RBPJ: variants seen among roughly 807,000 people sequenced by gnomAD.
RBPJ encodes the protein recombination signal binding protein for immunoglobulin kappa J region, also known as recombining binding protein suppressor of hairless.
A neutral mutation model predicts 67.8 loss-of-function variants in RBPJ; 9 were observed. The observed-to-expected ratio is 0.13, with a 90% CI of 0.08 to 0.23. The LOEUF is 0.23. RBPJ is among the 10% of genes least tolerant of loss of function. The probability of loss-of-function intolerance (pLI) is 1.00; values close to 1 mark genes in which losing one functional copy is unlikely to be tolerated. For synonymous variants in RBPJ, 198 were observed against 203.3 expected (o/e 0.97, Z 0.22); for missense variants, 305 against 595.6 (o/e 0.51, Z 5.08).
rs897964346 is a variant in RBPJ, at chr4:26,431,184, T to TAAAAAAAAAAAA, written c.*193_*204dup. 21 of 40,644 alleles carry TAAAAAAAAAAAA rather than the reference T, an allele frequency of 5.2e-4. No individual in the cohort carries two copies. The highest frequency in any genetic ancestry group is 8.5e-4 in the Admixed American group (2 of 2,364). 2.5% of individuals were successfully genotyped at this position (40,644 alleles called of 1,614,324 possible). On this transcript the variant is annotated 3_prime_UTR_variant, in exon 11 of 11. Coordinates refer to ENST00000355476, the MANE Select transcript of RBPJ (RefSeq NM_015874.6). ...CTGATTTGAAATGCAGAAGCCACAGTAAAAAAAAAAAAAAAAAAAAAAAAA... is the reference window on the plus strand; with the variant it reads ...CTGATTTGAAATGCAGAAGCCACAGTAAAAAAAAAAAAAAAAAAAAAAAAAAAAAAAAAAAAA...
At position 26,415,647 on chromosome 4, in the gene RBPJ, C is replaced by T. The variant is rs771706713; in HGVS notation, c.321+7C>T. ...GCTAAACTTGGAAGGAAAGGTAAAT[C>T]AAGACTGCTAGTTCACCAGAAAGGG... is the stretch of plus-strand genomic sequence containing the variant. On this transcript the variant is annotated splice_region_variant and intron_variant, in intron 4 of 10. Coordinates refer to ENST00000355476, the MANE Select transcript of RBPJ (RefSeq NM_015874.6). The T allele has an allele frequency of 2.5e-6, 4 of 1,600,874 alleles. No individual in the cohort carries two copies. The highest frequency in any genetic ancestry group is 3.4e-6 in the Non-Finnish European group (4 of 1,174,986).
chr4:26,158,896 C>T (rs990692558), upstream of RBPJ, among the ~76,000 whole-genome samples: 3 of 149,978 alleles, frequency 2.0e-5, no homozygotes, highest in African/African-American at 7.4e-5. Context: ...CAAAAGGGAG[C>T]TAATAATTTT....
intron 2 of RBPJ, among the ~76,000 whole-genome samples, chr4:26,403,760 C>T (rs1362424220): frequency 6.6e-6 from 1 of 151,700 alleles, no homozygotes; most frequent in Non-Finnish European, 1.5e-5. Flanking sequence ...GTGTATGTAC[C>T]ACACTTTCTT....
intron 1 of RBPJ, among the ~76,000 whole-genome samples, chr4:26,184,190 A>C (rs962474553): frequency 4.3e-5 from 6 of 140,454 alleles, no homozygotes; most frequent in African/African-American, 1.8e-4. Flanking sequence ...TCAAAAAAAA[A>C]AAAAAAGAAA....
chr4:26,202,480 T>C (rs962294038), intron 1 of RBPJ, among the ~76,000 whole-genome samples: 4 of 151,176 alleles, frequency 2.6e-5, no homozygotes, highest in Non-Finnish European at 5.9e-5. Flanking sequence ...CTCTTTCCTA[T>C]CTCAATAAAT....
At chr4:26,175,520 T>C (rs1316966035) in intron 1 of RBPJ, among the ~76,000 whole-genome samples, 1 of 152,178 alleles carries the variant, frequency 6.6e-6, no homozygotes, top group Admixed American at 6.5e-5. Context: ...GGGCACCCAG[T>C]TACGTTTACC....
intron 1 of RBPJ, among the ~76,000 whole-genome samples, chr4:26,272,169 G>C (rs1389472939): frequency 6.6e-6 from 1 of 152,092 alleles, no homozygotes; most frequent in Non-Finnish European, 1.5e-5. Context: ...AGAAGTCAAA[G>C]GTCTAGATAA....
intron 3 of RBPJ, among the ~76,000 whole-genome samples, chr4:26,408,706 C>CGAATCTGAAAATCAGAGACTTTAA (rs1733724626): frequency 6.6e-6 from 1 of 152,140 alleles, no homozygotes; most frequent in Admixed American, 6.5e-5. Flanking sequence ...CTGTGGGCAA[C>CGAATCTGAAAATCAGAGACTTTAA]GAATCTGAAA....
rs1328517047 is a variant in RBPJ, at chr4:26,210,669, TCTTTCTTTCTTTCTTTC to T, written c.-167+47073_-167+47089del. Among the ~76,000 whole-genome samples, 24 of 23,142 alleles carry T rather than the reference TCTTTCTTTCTTTCTTTC, an allele frequency of 1.0e-3. 1 individual carries two copies. Among genetic ancestry groups the T allele is most frequent in the South Asian group, 4.6e-3 (4 of 878 alleles). 15.2% of individuals were successfully genotyped at this position (23,142 alleles called of 152,430 possible). A position where few individuals can be genotyped will look rare whatever the true frequency, so the allele number is the denominator to read the frequency against. On this transcript the variant is annotated intron_variant, in intron 1 of 4. Coordinates refer to the RBPJ transcript ENST00000512351. ...AAGCCAGCTTTCTTTCTTTTTTCTT[TCTTTCTTTCTTTCTTTC>T]CTTTCTTTCTTTCTTTCTTTCCTTC...
the RBPJ span, among the ~76,000 whole-genome samples, chr4:26,146,945 T>C: frequency 6.6e-6 from 1 of 152,156 alleles, no homozygotes; most frequent in East Asian, 1.9e-4. Flanking sequence ...AGGCCCTGAG[T>C]GTGGCACGAG....
chr4:26,181,873 G>T (rs1462343960), intron 1 of RBPJ, among the ~76,000 whole-genome samples: 1 of 152,232 alleles, frequency 6.6e-6, no homozygotes, highest in Non-Finnish European at 1.5e-5. Flanking sequence ...GAGTCAGTGA[G>T]TGAGTGAGTG....
At chr4:26,210,732 T>TTTCCTTC (rs1560212120) in intron 1 of RBPJ, among the ~76,000 whole-genome samples, 2 of 74,788 alleles carry the variant, frequency 2.7e-5, no homozygotes, top group Non-Finnish European at 2.6e-5. Context: ...TCTTTCCTTC[T>TTTCCTTC]TTACTTCTTT....
At chr4:26,209,249 C>T (rs1015878868) in intron 1 of RBPJ, among the ~76,000 whole-genome samples, 10 of 152,002 alleles carry the variant, frequency 6.6e-5, no homozygotes, top group African/African-American at 2.4e-4. Flanking sequence ...CTCTAAAACA[C>T]GGCAGTTTCT....
At chr4:26,330,832 C>T (rs1724163242) in intron 1 of RBPJ, among the ~76,000 whole-genome samples, 1 of 152,144 alleles carries the variant, frequency 6.6e-6, no homozygotes, top group African/African-American at 2.4e-5. Context: ...ATTCTGTGTG[C>T]TCTTATTTGT....
chr4:26,292,256 T>G (rs1721695946), intron 1 of RBPJ, among the ~76,000 whole-genome samples: 1 of 150,706 alleles, frequency 6.6e-6, no homozygotes, highest in South Asian at 2.1e-4. Flanking sequence ...ACCTCTATTC[T>G]ATTCTCTGCT....
intron 3 of RBPJ, among the ~76,000 whole-genome samples, chr4:26,412,335 G>A (rs546273503): frequency 1.3e-5 from 2 of 152,160 alleles, no homozygotes; most frequent in South Asian, 2.1e-4. Flanking sequence ...GGGTTCAAGC[G>A]ATTCTCATGC....
At chr4:26,407,883 CTTTTTTTTTTTTTTTT>C (rs61575988) in intron 3 of RBPJ, among the ~76,000 whole-genome samples, 9 of 63,630 alleles carry the variant, frequency 1.4e-4, no homozygotes, top group East Asian at 5.3e-4. Flanking sequence ...AGCTTTCTTT[CTTTTTTTTTTTTTTTT>C]TTTTTTTTTT....
the RBPJ span, among the ~76,000 whole-genome samples, chr4:26,145,738 A>G: frequency 6.6e-6 from 1 of 152,216 alleles, no homozygotes; most frequent in African/African-American, 2.4e-5. Flanking sequence ...TATTTAATAA[A>G]TGATGCTGGG....
chr4:26,377,373 T>C (rs1729859129), intron 1 of RBPJ, among the ~76,000 whole-genome samples: 1 of 152,198 alleles, frequency 6.6e-6, no homozygotes, highest in Admixed American at 6.5e-5. Context: ...AAACTTTGTG[T>C]GTGCTCTCAT....
Sources: gnomAD v4.1 joint callset for allele counts (sites outside exome capture counted in the v4.1 genomes callset) on GRCh38, gnomAD v4.1.1 for gene constraint, MANE v1.5 for transcripts, NCBI Gene and HGNC (gene_info 2026-07-23, HGNC 2026-07-21) for gene names.